The following LGR6 variants were observed in gnomAD, a reference collection of about 807,000 sequenced individuals.
LGR6 encodes leucine-rich repeat-containing G protein-coupled receptor 6.
LGR6 carries 45 observed loss-of-function variants against 69.4 expected under a neutral mutation model. The ratio of observed to expected loss-of-function variants is 0.65; its 90% confidence interval spans 0.51 to 0.83. The LOEUF (loss-of-function observed/expected upper bound fraction) is 0.83, where lower values mean the gene tolerates loss of function less well. LGR6 is among the 40% of genes least tolerant of loss of function. The pLI is 0.00. For missense variants in LGR6, 1,108 were observed against 1,246.7 expected, an observed-to-expected ratio of 0.89 and a Z score of 1.68; for synonymous variants, 538 against 555.0, an observed-to-expected ratio of 0.97 and a Z score of 0.43.
intron 4 of LGR6, among the ~76,000 whole-genome samples, chr1:202,237,423 A>G (rs947787618): frequency 6.6e-6 from 1 of 152,276 alleles, no homozygotes; most frequent in Non-Finnish European, 1.5e-5. Context: ...GGAGAATTTG[A>G]CATTTCATCC....
At chr1:202,295,758 G>A (rs1412198724) in intron 6 of LGR6, among the ~76,000 whole-genome samples, 4 of 152,226 alleles carry the variant, frequency 2.6e-5, no homozygotes, top group Non-Finnish European at 4.4e-5. Flanking sequence ...ACGCATGAGA[G>A]GCAAAGGTAT....
intron 4 of LGR6, among the ~76,000 whole-genome samples, chr1:202,255,211 T>C (rs1663664583): frequency 6.6e-6 from 1 of 152,178 alleles, no homozygotes; most frequent in Non-Finnish European, 1.5e-5. Flanking sequence ...GAGACAGATG[T>C]GTGTCCCAGA....
At chr1:202,225,941 C>T (rs1284568299) in intron 2 of LGR6, among the ~76,000 whole-genome samples, 2 of 152,128 alleles carry the variant, frequency 1.3e-5, no homozygotes, top group African/African-American at 4.8e-5. Flanking sequence ...GACAGATGCC[C>T]TCCTTCCATT....
In LGR6 at chr1:202,303,311, T is replaced by A; in HGVS notation, c.962T>A (p.Phe321Tyr). 6.2e-7 allele frequency: 1 copy of A among 1,614,030 alleles called. No individual in the cohort carries two copies. ...AATGGTGCCATGGACATCCAGGAGT[T>A]TCCAGATCTCAAAGGCACCACCAGC... ...SLNGAMDIQE[F>Y]PDLKGTTSLE... The change falls in exon 10 of 18, where the codon TTT (phenylalanine) becomes TAT (tyrosine). Residue 321 changes from phenylalanine (F) to tyrosine (Y), a missense_variant. Physicochemically the swap from Phe to Tyr is conservative, Grantham distance 22. Coordinates refer to ENST00000367278, the MANE Select transcript of LGR6 (RefSeq NM_001017403.2).
chr1:202,300,143 T>A (rs1667474795), intron 7 of LGR6, among the ~76,000 whole-genome samples: 1 of 152,246 alleles, frequency 6.6e-6, no homozygotes, highest in Non-Finnish European at 1.5e-5. Flanking sequence ...GTGTCTTTTC[T>A]GTATCTTCCT....
At chr1:202,296,658 G>A (rs1667181607) in intron 6 of LGR6, among the ~76,000 whole-genome samples, 1 of 152,180 alleles carries the variant, frequency 6.6e-6, no homozygotes, top group African/African-American at 2.4e-5. Flanking sequence ...GGACACAGAA[G>A]TTTCCTTAAA....
Position 202,306,937 on chromosome 1 carries a change from C to T in LGR6, c.1206C>T (p.Ala402=). ...TCAGCCAGCTGAGCTCCCTGCAAGCCCTGTGAGTACCCACATCCAGGGGTG... is the reference window on the plus strand; with the variant it reads ...TCAGCCAGCTGAGCTCCCTGCAAGCTCTGTGAGTACCCACATCCAGGGGTG... ...DTFSQLSSLQ[A]LDLSWNAIRS... Residue 402 remains alanine, a splice_region_variant and synonymous_variant, in exon 13 of 18, where the codon GCC becomes GCT. Transcript: ENST00000367278. 6.2e-7 allele frequency: 1 copy of T among 1,613,916 alleles called. No individual in the cohort carries two copies. The highest frequency in any genetic ancestry group is 8.5e-7 in the Non-Finnish European group (1 of 1,179,872).
chr1:202,308,815 G>C (rs926219494), intron 14 of LGR6, among the ~76,000 whole-genome samples: 3 of 152,184 alleles, frequency 2.0e-5, no homozygotes, highest in Non-Finnish European at 4.4e-5. Flanking sequence ...AGTTGGCACC[G>C]TTATGTATTG....
At chr1:202,287,234 C>T (rs973771317) in intron 6 of LGR6, among the ~76,000 whole-genome samples, 1 of 152,128 alleles carries the variant, frequency 6.6e-6, no homozygotes, top group Non-Finnish European at 1.5e-5. Flanking sequence ...ATATGCCAGG[C>T]CACCATTATA....
At chr1:202,282,235 A>G (rs1423907958) in intron 6 of LGR6, among the ~76,000 whole-genome samples, 1 of 152,230 alleles carries the variant, frequency 6.6e-6, no homozygotes, top group East Asian at 1.9e-4. Context: ...TCTAGCTGTC[A>G]TAGACAGCTG....
At chr1:202,289,264 C>G (rs999868000) in intron 6 of LGR6, among the ~76,000 whole-genome samples, 1 of 152,188 alleles carries the variant, frequency 6.6e-6, no homozygotes, top group Admixed American at 6.5e-5. Context: ...GTGACAGCAC[C>G]AGACACCCAG....
rs746363687 is a variant in LGR6, at chr1:202,306,841, C to T, written c.1137-27C>T. 6.8e-6 allele frequency: 11 copies of T among 1,611,364 alleles called. No homozygotes were observed. The South Asian group carries it at 1.2e-4, about 18-fold the overall frequency. On this transcript the variant is annotated intron_variant, in intron 12 of 17. Coordinates refer to ENST00000367278, the MANE Select transcript of LGR6 (RefSeq NM_001017403.2). Reference sequence around the variant, plus strand: ...CGGAGCCAGGGTCTGAGCCTGCCGGCTCATCCAGCCTCTCTTGCTGCCCTA... The same window carrying T: ...CGGAGCCAGGGTCTGAGCCTGCCGGTTCATCCAGCCTCTCTTGCTGCCCTA...
At chr1:202,203,813 C>G in intron 1 of LGR6, 7 of 1,613,774 alleles carry the variant, frequency 4.3e-6, no homozygotes, top group Non-Finnish European at 5.9e-6. Flanking sequence ...AACCCACAGG[C>G]CAAGGAATGG....
intron 16 of LGR6, among the ~76,000 whole-genome samples, chr1:202,311,596 G>A (rs1179959269): frequency 6.6e-6 from 1 of 152,216 alleles, no homozygotes; most frequent in Non-Finnish European, 1.5e-5. Flanking sequence ...GGAGGCGGAG[G>A]TTATAGTGAG....
intron 1 of LGR6, among the ~76,000 whole-genome samples, chr1:202,222,738 C>A (rs1219965446): frequency 1.3e-5 from 2 of 152,178 alleles, no homozygotes; most frequent in African/African-American, 4.8e-5. Flanking sequence ...TGCTCCTGCA[C>A]CTTCGCATTT....
At position 202,318,710 on chromosome 1, in the gene LGR6, G is replaced by C. The variant is rs1161193857; in HGVS notation, c.2407G>C (p.Val803Leu). Residue 803 changes from valine to leucine, a missense_variant, in exon 18 of 18, where the codon GTC (valine) becomes CTC (leucine). Transcript: ENST00000367278. ...SFASMLGLFP[V>L]TPEAVKSVLL... ...TGCCTCCATGCTGGGCCTCTTCCCT[G>C]TCACGCCCGAGGCCGTCAAGTCTGT... The C allele has an allele frequency of 6.2e-7, 1 of 1,613,522 alleles. No homozygotes were observed. The highest frequency in any genetic ancestry group is 1.1e-5 in the South Asian group (1 of 91,082).
chr1:202,194,248 T>C, intron 1 of LGR6, 47 bp downstream of exon 1: 1 of 1,368,308 alleles, frequency 7.3e-7, no homozygotes, highest in Non-Finnish European at 9.8e-7. Context: ...GGCTGCTGGC[T>C]AGCGCCCAGT....
intron 4 of LGR6, among the ~76,000 whole-genome samples, chr1:202,274,397 A>G (rs965891562): frequency 1.3e-5 from 2 of 152,296 alleles, no homozygotes; most frequent in Non-Finnish European, 1.5e-5. Context: ...CTCTTGGAGT[A>G]ATTTATGATC....
chr1:202,256,236 T>C (rs2924109), intron 4 of LGR6, among the ~76,000 whole-genome samples: 72,218 of 152,088 alleles, frequency 0.47, 18,547 homozygotes, highest in East Asian at 0.7. Flanking sequence ...TATTCCTTTT[T>C]TATTTTTTTT....
Sources: allele counts gnomAD v4.1 joint callset (sites outside exome capture counted in the v4.1 genomes callset), GRCh38; gene constraint gnomAD v4.1.1; transcripts MANE v1.5; gene names NCBI Gene and HGNC (gene_info 2026-07-23, HGNC 2026-07-21).